The following TAFA1 variants were observed in gnomAD, a reference collection of about 807,000 sequenced individuals.
The protein encoded by TAFA1 is chemokine-like protein TAFA-1.
Under a neutral mutation model 18.5 loss-of-function variants are expected in TAFA1, and 4 were observed. The observed-to-expected ratio is 0.22, with a 90% CI of 0.11 to 0.49. The LOEUF (loss-of-function observed/expected upper bound fraction) is 0.49, where lower values mean the gene tolerates loss of function less well. TAFA1 is among the 20% of genes least tolerant of loss of function. TAFA1 has a pLI of 0.98. For synonymous variants in TAFA1, 56 were observed against 55.2 expected (o/e 1.01, Z -0.06); for missense variants, 147 against 169.0 (o/e 0.87, Z 0.72).
intron 3 of TAFA1, among the ~76,000 whole-genome samples, chr3:68,499,138 T>C (rs916843644): frequency 1.3e-5 from 2 of 152,196 alleles, no homozygotes; most frequent in African/African-American, 4.8e-5. Context: ...TATTAAAATA[T>C]CTTCTGAGAT....
intron 2 of TAFA1, among the ~76,000 whole-genome samples, chr3:68,278,349 TC>T (rs1424066167): frequency 6.6e-6 from 1 of 152,134 alleles, no homozygotes; most frequent in African/African-American, 2.4e-5. Flanking sequence ...AAACTAAGAA[TC>T]CCACTACCCG....
chr3:68,394,469 G>A (rs1478051793), intron 2 of TAFA1, among the ~76,000 whole-genome samples: 1 of 151,998 alleles, frequency 6.6e-6, no homozygotes, highest in East Asian at 1.9e-4. Flanking sequence ...ATTTCATATG[G>A]AACCAAAAAG....
chr3:68,253,427 C>T (rs1259635267), intron 2 of TAFA1, among the ~76,000 whole-genome samples: 1 of 152,190 alleles, frequency 6.6e-6, no homozygotes, highest in African/African-American at 2.4e-5. Flanking sequence ...AGGCCTACTT[C>T]AAATCTCACC....
At chr3:68,281,833 A>T (rs1393736418) in intron 2 of TAFA1, among the ~76,000 whole-genome samples, 3 of 152,096 alleles carry the variant, frequency 2.0e-5, no homozygotes, top group Admixed American at 1.3e-4. Flanking sequence ...CACTTTTTTG[A>T]CTTCCTTATA....
intron 3 of TAFA1, among the ~76,000 whole-genome samples, chr3:68,481,525 G>A (rs954565773): frequency 2.0e-5 from 3 of 152,124 alleles, no homozygotes; most frequent in African/African-American, 4.8e-5. Context: ...CCCTTTAGAG[G>A]CAGAGTTTCA....
intron 2 of TAFA1, among the ~76,000 whole-genome samples, chr3:68,341,772 T>A (rs943020336): frequency 3.3e-5 from 5 of 152,304 alleles, no homozygotes; most frequent in African/African-American, 1.2e-4. Flanking sequence ...TGAGTTATAA[T>A]TTTTGCAAAG....
At chr3:68,363,632 G>T (rs1245399255) in intron 2 of TAFA1, among the ~76,000 whole-genome samples, 1 of 152,002 alleles carries the variant, frequency 6.6e-6, no homozygotes. Flanking sequence ...ACAATTTGAA[G>T]GAAGCATAAA....
intron 2 of TAFA1, among the ~76,000 whole-genome samples, chr3:68,126,523 C>G (rs76128453): frequency 0.077 from 11,694 of 152,258 alleles, 525 homozygotes; most frequent in Middle Eastern, 0.12. Context: ...TTTGTTGATT[C>G]TCTATCTTTT....
At chr3:68,462,561 G>T (rs1224891335) in intron 3 of TAFA1, among the ~76,000 whole-genome samples, 1 of 152,130 alleles carries the variant, frequency 6.6e-6, no homozygotes, top group Non-Finnish European at 1.5e-5. Context: ...TTTATTAGCA[G>T]TGTGAGAAAA....
intron 2 of TAFA1, among the ~76,000 whole-genome samples, chr3:68,175,415 C>G (rs192699393): frequency 7.9e-5 from 12 of 152,324 alleles, no homozygotes; most frequent in African/African-American, 2.9e-4. Flanking sequence ...AGTCTGTACC[C>G]TGCACAACCA....
chr3:68,110,717 T>C (rs889031657), intron 2 of TAFA1, among the ~76,000 whole-genome samples: 2 of 152,126 alleles, frequency 1.3e-5, no homozygotes, highest in African/African-American at 4.8e-5. Context: ...TGGTGATGAA[T>C]TGCATGTACA....
chr3:68,198,977 A>T (rs1575675128), intron 2 of TAFA1, among the ~76,000 whole-genome samples: 1 of 151,566 alleles, frequency 6.6e-6, no homozygotes, highest in Non-Finnish European at 1.5e-5. Flanking sequence ...CTTTTATGTT[A>T]TCTTCTAGGA....
chr3:68,504,841 C>T (rs181407695), intron 3 of TAFA1, among the ~76,000 whole-genome samples: 1 of 152,110 alleles, frequency 6.6e-6, no homozygotes, highest in Non-Finnish European at 1.5e-5. Flanking sequence ...ACAGATGTAC[C>T]ATGACCCTTT....
At chr3:68,248,772 G>T (rs1297158259) in intron 2 of TAFA1, among the ~76,000 whole-genome samples, 2 of 150,982 alleles carry the variant, frequency 1.3e-5, no homozygotes, top group Non-Finnish European at 3.0e-5. Context: ...AGGGAGGGTA[G>T]ATGAAGTTTG....
At chr3:68,253,860 A>G (rs188812091) in intron 2 of TAFA1, among the ~76,000 whole-genome samples, 11 of 152,322 alleles carry the variant, frequency 7.2e-5, no homozygotes, top group Non-Finnish European at 1.2e-4. Flanking sequence ...CCCTTCTAAT[A>G]CAGGTTAATG....
At position 68,431,387 on chromosome 3, in the gene TAFA1, G is replaced by A. The variant is rs974555649; in HGVS notation, c.259+13967G>A. Among the ~76,000 whole-genome samples the A allele has an allele frequency of 5.9e-5, 9 of 151,984 alleles. No homozygotes were observed. The East Asian group carries it at 1.2e-3, about 20-fold the overall frequency. On this transcript the variant is annotated intron_variant, in intron 3 of 4. Coordinates refer to ENST00000478136, the MANE Select transcript of TAFA1 (RefSeq NM_213609.4). ...ATTATAACAACTACAGGGACTGAGC[G>A]TTGTTGAGGACTGACACTGTGTCTC... is the stretch of plus-strand genomic sequence containing the variant.
At chr3:68,537,654 C>T (rs990062357) in intron 3 of TAFA1, among the ~76,000 whole-genome samples, 1 of 152,138 alleles carries the variant, frequency 6.6e-6, no homozygotes, top group African/African-American at 2.4e-5. Context: ...TACAAATCTC[C>T]CCCATGAAAG....
intron 2 of TAFA1, among the ~76,000 whole-genome samples, chr3:68,323,066 T>G (rs1321226491): frequency 6.6e-6 from 1 of 152,182 alleles, no homozygotes; most frequent in Non-Finnish European, 1.5e-5. Context: ...TGAAAAGCGG[T>G]GCCATGGCTT....
intron 2 of TAFA1, among the ~76,000 whole-genome samples, chr3:68,120,201 CTTTCTTTCTTTCTTTCTTTCTT>C (rs2065377331): frequency 2.1e-5 from 2 of 95,828 alleles, no homozygotes; most frequent in Admixed American, 2.3e-4. Context: ...TTCTTTCTTT[CTTTCTTTCTTTCTTTCTTTCTT>C]TCTTTCTTTC....
Sources: gnomAD v4.1 joint callset for allele counts (sites outside exome capture counted in the v4.1 genomes callset) on GRCh38, gnomAD v4.1.1 for gene constraint, MANE v1.5 for transcripts, NCBI Gene and HGNC (gene_info 2026-07-23, HGNC 2026-07-21) for gene names.